Variants in MAF observed in about 807,000 individuals in gnomAD.
MAF encodes the protein transcription factor Maf.
In MAF, 10 loss-of-function variants were observed where a neutral mutation model predicts 22.0. The ratio of observed to expected loss-of-function variants is 0.45; its 90% confidence interval spans 0.28 to 0.77. The LOEUF is 0.77. MAF is among the 30% of genes least tolerant of loss of function. The pLI is 0.12. For missense variants in MAF, 544 were observed against 548.4 expected (o/e 0.99, Z 0.08); for synonymous variants, 337 against 255.8 (o/e 1.32, Z -3.03).
chr16:79,317,280 C>CCTT, the MAF span, among the ~76,000 whole-genome samples: 1 of 147,982 alleles, frequency 6.8e-6, no homozygotes, highest in Non-Finnish European at 1.5e-5. Flanking sequence ...CTCCCTCCTT[C>CCTT]CTTCCTTCCT....
At chr16:79,566,018 G>A in the MAF span, among the ~76,000 whole-genome samples, 9 of 152,020 alleles carry the variant, frequency 5.9e-5, no homozygotes, top group Non-Finnish European at 1.2e-4. Context: ...ATAGACCCTG[G>A]GCCACTCTGA....
At chr16:79,454,342 C>G in the MAF span, among the ~76,000 whole-genome samples, 1 of 152,084 alleles carries the variant, frequency 6.6e-6, no homozygotes, top group African/African-American at 2.4e-5. Flanking sequence ...GAGGGCCCTG[C>G]AGAGTCGAAG....
chr16:79,413,388 C>T, the MAF span, among the ~76,000 whole-genome samples: 414 of 141,110 alleles, frequency 2.9e-3, 2 homozygotes, highest in African/African-American at 0.01. Context: ...GGACTACAGG[C>T]GCCTGCCACC....
chr16:79,333,418 C>A, the MAF span, among the ~76,000 whole-genome samples: 10 of 152,052 alleles, frequency 6.6e-5, no homozygotes, highest in African/African-American at 1.9e-4. Flanking sequence ...TGGGGCAGAC[C>A]AAAGAGGACA....
the MAF span, among the ~76,000 whole-genome samples, chr16:79,569,898 G>A: frequency 6.6e-6 from 1 of 152,226 alleles, no homozygotes; most frequent in Non-Finnish European, 1.5e-5. Flanking sequence ...ATTGACGTTG[G>A]CTTCATGATC....
At chr16:79,309,527 G>C in the MAF span, among the ~76,000 whole-genome samples, 1 of 152,140 alleles carries the variant, frequency 6.6e-6, no homozygotes, top group Non-Finnish European at 1.5e-5. Context: ...GCATTGCCTT[G>C]CATTACAGAG....
chr16:79,488,361 G>A, the MAF span, among the ~76,000 whole-genome samples: 1 of 152,170 alleles, frequency 6.6e-6, no homozygotes, highest in African/African-American at 2.4e-5. Flanking sequence ...CTCTCCAGGT[G>A]CAGGTAGGAG....
At chr16:79,267,966 C>T in the MAF span, among the ~76,000 whole-genome samples, 4 of 152,128 alleles carry the variant, frequency 2.6e-5, no homozygotes, top group Admixed American at 1.3e-4. Context: ...CCTGGTTCTC[C>T]GGCTTGTGGG....
the MAF span, among the ~76,000 whole-genome samples, chr16:79,485,801 C>T: frequency 6.6e-6 from 1 of 152,086 alleles, no homozygotes; most frequent in Non-Finnish European, 1.5e-5. Context: ...CGGTGTCTTG[C>T]CAAACAGAAG....
chr16:79,465,001 A>G, the MAF span, among the ~76,000 whole-genome samples: 219 of 152,322 alleles, frequency 1.4e-3, no homozygotes, highest in African/African-American at 5.1e-3. Flanking sequence ...GTCATTTTAG[A>G]TGAACTTCTA....
At chr16:79,378,927 T>C in the MAF span, among the ~76,000 whole-genome samples, 1 of 152,198 alleles carries the variant, frequency 6.6e-6, no homozygotes, top group Admixed American at 6.5e-5. Flanking sequence ...GGTATACATT[T>C]TTAGGTGGCA....
the MAF span, among the ~76,000 whole-genome samples, chr16:79,468,693 G>A: frequency 6.6e-6 from 1 of 152,182 alleles, no homozygotes; most frequent in Non-Finnish European, 1.5e-5. Context: ...GTGGTAACGT[G>A]GCCCCCATGC....
At chr16:79,250,874 T>G in the MAF span, among the ~76,000 whole-genome samples, 1 of 152,202 alleles carries the variant, frequency 6.6e-6, no homozygotes, top group Admixed American at 6.5e-5. Flanking sequence ...CTTGGGACTT[T>G]CAGTGCTAAA....
the MAF span, among the ~76,000 whole-genome samples, chr16:79,406,371 A>G: frequency 2.6e-5 from 4 of 152,316 alleles, no homozygotes; most frequent in South Asian, 8.3e-4. Context: ...TGAGTGGCTT[A>G]TATCAACAGA....
chr16:79,419,588 A>G, the MAF span, among the ~76,000 whole-genome samples: 1 of 152,160 alleles, frequency 6.6e-6, no homozygotes, highest in Non-Finnish European at 1.5e-5. Flanking sequence ...CTTATCTTCC[A>G]TGTCTGTTCT....
chr16:79,321,751 C>T, the MAF span, among the ~76,000 whole-genome samples: 20 of 148,226 alleles, frequency 1.3e-4, no homozygotes, highest in Admixed American at 5.5e-4. Flanking sequence ...CCCAGGTTCA[C>T]GACATTCTCC....
the MAF span, among the ~76,000 whole-genome samples, chr16:79,537,566 T>C: frequency 6.6e-6 from 1 of 152,168 alleles, no homozygotes; most frequent in Non-Finnish European, 1.5e-5. Flanking sequence ...TATAGGAGGA[T>C]GTTACTTTGC....
chr16:79,310,207 G>C, the MAF span, among the ~76,000 whole-genome samples: 1 of 152,092 alleles, frequency 6.6e-6, no homozygotes, highest in Non-Finnish European at 1.5e-5. Flanking sequence ...TCCCTGACTT[G>C]GTGCACGCAC....
the MAF span, among the ~76,000 whole-genome samples, chr16:79,218,902 G>A: frequency 6.6e-6 from 1 of 152,114 alleles, no homozygotes; most frequent in African/African-American, 2.4e-5. Flanking sequence ...TGAATGCAGT[G>A]CAAAGCCCAA....
Sources: gnomAD v4.1 joint callset for allele counts (sites outside exome capture counted in the v4.1 genomes callset) on GRCh38, gnomAD v4.1.1 for gene constraint, MANE v1.5 for transcripts, NCBI Gene and HGNC (gene_info 2026-07-23, HGNC 2026-07-21) for gene names.